The following SART3 variants were observed in gnomAD, a reference collection of about 807,000 sequenced individuals.
SART3 encodes spliceosome associated factor 3, U4/U6 recycling protein, also known as HIV-1 Tat-interacting protein of 110kDa.
SART3 carries 44 observed loss-of-function variants against 122.3 expected under a neutral mutation model. That is an observed-to-expected ratio of 0.36 (90% CI 0.28 to 0.46). The LOEUF (loss-of-function observed/expected upper bound fraction) is 0.46. Among genes scored for constraint, SART3 ranks in the 20% least tolerant of loss-of-function variants. The probability of loss-of-function intolerance (pLI) is 1.00; values close to 1 mark genes in which losing one functional copy is unlikely to be tolerated. For missense variants in SART3, 1,101 were observed against 1,229.0 expected (o/e 0.90, Z 1.56); for synonymous variants, 442 against 454.0 (o/e 0.97, Z 0.34).
chr12:108,531,185 C>T lies in SART3; in HGVS notation c.1746+19G>A, dbSNP rs1423987604. 1.2e-6 allele frequency: 2 copies of T among 1,611,946 alleles called. No individual in the cohort carries two copies. On this transcript the variant is annotated intron_variant, in intron 14 of 18. Transcript: ENST00000546815. Reference sequence around the variant, plus strand: ...AAATAGCTACCAGAGGTGCCAAAGACTTCAAACATTGTCATTACCTTCATT... The same window carrying T: ...AAATAGCTACCAGAGGTGCCAAAGATTTCAAACATTGTCATTACCTTCATT...
intron 1 of SART3, among the ~76,000 whole-genome samples, chr12:108,552,554 C>A (rs368058483): frequency 0.052 from 6,262 of 120,254 alleles, 464 homozygotes; most frequent in African/African-American, 0.18. Context: ...AAAAAAAAAA[C>A]AAAAGAACAT....
Position 108,526,247 on chromosome 12 carries a change from TTGC to T in SART3, c.2219_2221del (p.Ser740del), listed in dbSNP as rs757718385. 6.2e-7 allele frequency: 1 copy of T among 1,614,220 alleles called. No homozygotes were observed. Among genetic ancestry groups the T allele is most frequent in the South Asian group, 1.1e-5 (1 of 91,088 alleles). ...GCAGTAACCTCGGAAATCCCCACGG[TTGC>T]TGAAGATGGGTCGGATCTGGACCAC... On this transcript the variant is annotated inframe_deletion, in exon 16 of 19. Coordinates refer to ENST00000546815, the MANE Select transcript of SART3 (RefSeq NM_014706.4).
intron 1 of SART3, among the ~76,000 whole-genome samples, chr12:108,558,755 C>T (rs929352145): frequency 2.6e-5 from 4 of 152,166 alleles, no homozygotes; most frequent in Non-Finnish European, 5.9e-5. Context: ...AAGTAGAGGG[C>T]AGGCGCGGTG....
chr12:108,541,946 T>C (rs1319094746), intron 6 of SART3, among the ~76,000 whole-genome samples: 4 of 148,090 alleles, frequency 2.7e-5, no homozygotes, highest in Non-Finnish European at 6.0e-5. Flanking sequence ...ACAATCCTCC[T>C]ACCTTCGCCT....
At position 108,537,563 on chromosome 12, in the gene SART3, T is replaced by C; in HGVS notation, c.1234A>G (p.Ile412Val). 6.2e-7 allele frequency: 1 copy of C among 1,614,138 alleles called. No individual in the cohort carries two copies. Among genetic ancestry groups the C allele is most frequent in the East Asian group, 2.2e-5 (1 of 44,878 alleles). Residue 412 changes from isoleucine to valine, a missense_variant, in exon 9 of 19, where the codon ATC becomes GTC. Around this residue, in one of 2 missense-constraint regions of SART3, gnomAD observed 885 missense variants for 1,080.1 expected, o/e 0.82. Transcript: ENST00000546815. ...ATCTCCACATAATCAGTGGCCTGGA[T>C]GAAGCCGGCATTCAAAGCTTTCTCG... is the stretch of plus-strand genomic sequence containing the variant. ...TFEKALNAGF[I>V]QATDYVEIWQ... is the part of the protein sequence containing the mutation.
chr12:108,557,212 T>TG (rs1345856784), intron 1 of SART3, among the ~76,000 whole-genome samples: 1 of 141,480 alleles, frequency 7.1e-6, no homozygotes, highest in South Asian at 2.4e-4. Context: ...CATAGTTTTT[T>TG]TTTTTTTTTT....
chr12:108,551,594 C>G (rs560753286), intron 1 of SART3, among the ~76,000 whole-genome samples: 1 of 151,960 alleles, frequency 6.6e-6, no homozygotes, highest in Non-Finnish European at 1.5e-5. Context: ...AACTCAATAA[C>G]GCCGTCAACG....
intron 15 of SART3, among the ~76,000 whole-genome samples, chr12:108,527,344 G>A (rs918623451): frequency 1.3e-5 from 2 of 152,150 alleles, no homozygotes; most frequent in Non-Finnish European, 1.5e-5. Context: ...TGTGCCTTCA[G>A]GCTGTACTAA....
At chr12:108,527,396 T>C (rs1872432737) in intron 15 of SART3, among the ~76,000 whole-genome samples, 1 of 152,364 alleles carries the variant, frequency 6.6e-6, no homozygotes, top group East Asian at 1.9e-4. Flanking sequence ...CCCTTCTCGC[T>C]GCCACAGTCA....
At chr12:108,552,542 C>CAAAAAAAAAAA (rs202116633) in intron 1 of SART3, among the ~76,000 whole-genome samples, 1 of 130,822 alleles carries the variant, frequency 7.6e-6, no homozygotes, top group Non-Finnish European at 1.7e-5. Flanking sequence ...CATACAAAAA[C>CAAAAAAAAAAA]AAAAAAAAAA....
chr12:108,523,447 A>G lies in SART3; in HGVS notation c.*10T>C. 1 of 1,612,058 alleles carries G rather than the reference A, an allele frequency of 6.2e-7. No individual in the cohort carries two copies. Among genetic ancestry groups the G allele is most frequent in the Non-Finnish European group, 8.5e-7 (1 of 1,179,882 alleles). ...TGAAGTAAGGCATTTCCTGTCTCCC[A>G]GCGTCCCGTTCACTTTCTCAGAAAC... is the stretch of plus-strand genomic sequence containing the variant. On this transcript the variant is annotated 3_prime_UTR_variant, in exon 19 of 19. Coordinates refer to ENST00000546815, the MANE Select transcript of SART3 (RefSeq NM_014706.4).
At chr12:108,535,578 G>A (rs1287297155) in intron 11 of SART3, 110 bp from the exon 12 acceptor site, 1 of 891,626 alleles carries the variant, frequency 1.1e-6, no homozygotes, top group Non-Finnish European at 1.9e-6. Context: ...AACTATTAGT[G>A]TTACAGATGT....
chr12:108,542,740 T>G (rs888556), intron 6 of SART3: 389,624 of 484,288 alleles, frequency 0.8, 159,869 homozygotes, highest in East Asian at 0.93. Context: ...GCAAGGGAAT[T>G]ATCATCACAA....
intron 8 of SART3, 66 bp downstream of exon 8, chr12:108,537,999 G>C: frequency 6.2e-7 from 1 of 1,603,646 alleles, no homozygotes; most frequent in Non-Finnish European, 8.5e-7. Context: ...TAATGACTTT[G>C]TCACCGCTCT....
chr12:108,544,662 C>A (rs1873320838), intron 4 of SART3, 184 bp from the exon 5 acceptor site: 1 of 770,922 alleles, frequency 1.3e-6, no homozygotes, highest in South Asian at 1.5e-5. Flanking sequence ...ACACTCCAGG[C>A]TCATGCAATC....
In SART3 at chr12:108,525,519, A is replaced by AG; in HGVS notation, c.2460dup (p.Cys821LeufsTer2). On this transcript the variant is annotated frameshift_variant, in exon 17 of 19. Coordinates refer to ENST00000546815, the MANE Select transcript of SART3 (RefSeq NM_014706.4). LOFTEE classifies it high-confidence loss of function. ...TCCTTCACGGTGCCATGAGCCTTACAGATTTCTTCTAGTTCCTCTTTAGTA... is the reference window on the plus strand; with the variant it reads ...TCCTTCACGGTGCCATGAGCCTTACAGGATTTCTTCTAGTTCCTCTTTAGTA... 6.2e-7 allele frequency: 1 copy of AG among 1,614,214 alleles called. No individual in the cohort carries two copies. The highest frequency in any genetic ancestry group is 8.5e-7 in the Non-Finnish European group (1 of 1,180,026).
chr12:108,545,577 C>T, intron 3 of SART3, among the ~76,000 whole-genome samples: 1 of 152,168 alleles, frequency 6.6e-6, no homozygotes, highest in East Asian at 1.9e-4. Flanking sequence ...GTAACAGGAT[C>T]ATCAGAAATC....
intron 18 of SART3, chr12:108,523,975 G>GTGT: frequency 7.3e-6 from 4 of 550,314 alleles, no homozygotes; most frequent in Non-Finnish European, 1.3e-5. Context: ...GTGGATCATA[G>GTGT]CTAGGGCCGT....
intron 6 of SART3, among the ~76,000 whole-genome samples, chr12:108,542,161 C>A (rs1263894944): frequency 1.3e-5 from 2 of 152,032 alleles, no homozygotes; most frequent in African/African-American, 2.4e-5. Flanking sequence ...CACTTTAACA[C>A]GCACAAAAAT....
Sources: gnomAD v4.1 joint callset for allele counts (sites outside exome capture counted in the v4.1 genomes callset) on GRCh38, gnomAD v4.1.1 for gene constraint, gnomAD v4.1.1 regional missense constraint, MANE v1.5 for transcripts, NCBI Gene and HGNC (gene_info 2026-07-23, HGNC 2026-07-21) for gene names.